The following GSE1 variants were observed in gnomAD, a reference collection of about 807,000 sequenced individuals.
The protein encoded by GSE1 is genetic suppressor element 1.
Under a neutral mutation model 112.6 loss-of-function variants are expected in GSE1, and 32 were observed. The observed-to-expected ratio is 0.28, with a 90% CI of 0.21 to 0.38. The LOEUF is 0.38. Among genes scored for constraint, GSE1 ranks in the 10% least tolerant of loss-of-function variants. The pLI is 1.00. For missense variants in GSE1, 2,348 were observed against 1,699.2 expected (o/e 1.38, Z -6.71); for synonymous variants, 1,115 against 735.6 (o/e 1.52, Z -8.35).
At chr16:85,596,061 C>G (rs1398419994) in intron 1 of GSE1, among the ~76,000 whole-genome samples, 1 of 151,316 alleles carries the variant, frequency 6.6e-6, no homozygotes, top group African/African-American at 2.4e-5. Context: ...TCCGTCCACC[C>G]CTGAACCCAT....
chr16:85,668,446 G>T (rs199887934), intron 14 of GSE1, 22 bp downstream of exon 14: 51 of 1,486,360 alleles, frequency 3.4e-5, no homozygotes, highest in Non-Finnish European at 4.3e-5. Context: ...CTGGGGAAGA[G>T]GGGGGAGGGG....
chr16:85,215,996 C>G (rs929504527), intron 1 of GSE1, among the ~76,000 whole-genome samples: 2 of 152,324 alleles, frequency 1.3e-5, no homozygotes, highest in East Asian at 1.9e-4. Context: ...ACATACTTGA[C>G]ACGTGTTCCC....
intron 1 of GSE1, among the ~76,000 whole-genome samples, chr16:85,224,882 C>G (rs1000607411): frequency 6.6e-6 from 1 of 151,214 alleles, no homozygotes; most frequent in Non-Finnish European, 1.5e-5. Flanking sequence ...GTAATCCCAG[C>G]ACTTTGGGAG....
chr16:85,476,132 A>G (rs2050447365), intron 2 of GSE1, among the ~76,000 whole-genome samples: 1 of 152,144 alleles, frequency 6.6e-6, no homozygotes, highest in African/African-American at 2.4e-5. Context: ...GGATTTCGCC[A>G]TGTTGCCTAG....
intron 1 of GSE1, among the ~76,000 whole-genome samples, chr16:85,215,836 C>T (rs368545488): frequency 3.9e-4 from 59 of 152,258 alleles, no homozygotes; most frequent in African/African-American, 1.0e-3. Flanking sequence ...CCCCTTCCCC[C>T]GTCCCCACCG....
intron 8 of GSE1, among the ~76,000 whole-genome samples, chr16:85,660,901 A>C (rs1048520550): frequency 1.3e-5 from 2 of 152,082 alleles, no homozygotes; most frequent in African/African-American, 2.4e-5. Context: ...AAGTGCTGGG[A>C]TTACAGGGAT....
chr16:85,203,769 ACT>A (rs2075069753), intron 1 of GSE1, among the ~76,000 whole-genome samples: 1 of 152,016 alleles, frequency 6.6e-6, no homozygotes, highest in Admixed American at 6.6e-5. Context: ...ACAGGGTCTC[ACT>A]CTGTCGCCCA....
chr16:85,620,724 A>G (rs1262089188), intron 1 of GSE1, among the ~76,000 whole-genome samples: 3 of 152,250 alleles, frequency 2.0e-5, no homozygotes, highest in Admixed American at 6.5e-5. Flanking sequence ...ACCCGTTTAG[A>G]TGGTCTCAGC....
chr16:85,192,443 A>G (rs1197578225), intron 1 of GSE1, among the ~76,000 whole-genome samples: 2 of 152,236 alleles, frequency 1.3e-5, no homozygotes, highest in Admixed American at 1.3e-4. Flanking sequence ...ATATGGCCTC[A>G]CGTGGCTCAG....
intron 2 of GSE1, among the ~76,000 whole-genome samples, chr16:85,440,249 G>T (rs899280523): frequency 2.0e-5 from 3 of 152,252 alleles, no homozygotes; most frequent in African/African-American, 7.2e-5. Flanking sequence ...CCTCTGCTTT[G>T]CTGGAGACTG....
At chr16:85,612,366 C>G (rs555275050), upstream of GSE1, among the ~76,000 whole-genome samples, 90 of 151,760 alleles carry the variant, frequency 5.9e-4, no homozygotes, top group African/African-American at 2.0e-3. Flanking sequence ...TCATTCCAGT[C>G]AAGTGCCTGG....
At chr16:85,337,959 A>T (rs1191098876) in intron 1 of GSE1, among the ~76,000 whole-genome samples, 1 of 152,210 alleles carries the variant, frequency 6.6e-6, no homozygotes, top group East Asian at 1.9e-4. Context: ...GTGACCTTTC[A>T]GGTTCTTCCC....
chr16:85,453,743 C>T (rs1182012709), intron 2 of GSE1, among the ~76,000 whole-genome samples: 2 of 152,194 alleles, frequency 1.3e-5, no homozygotes, highest in Non-Finnish European at 2.9e-5. Flanking sequence ...CCCTCCCTCT[C>T]TAGACCTCCT....
At chr16:85,443,019 C>G (rs2049418082) in intron 2 of GSE1, among the ~76,000 whole-genome samples, 2 of 152,230 alleles carry the variant, frequency 1.3e-5, no homozygotes, top group South Asian at 4.1e-4. Flanking sequence ...TCTGTGTCTT[C>G]TTTTAAGGAC....
chr16:85,607,075 G>A (rs1354769276), upstream of GSE1, among the ~76,000 whole-genome samples: 1 of 139,808 alleles, frequency 7.2e-6, no homozygotes, highest in African/African-American at 2.6e-5. Context: ...TGGGGGGGGC[G>A]GGAGGGAGGA....
chr16:85,211,311 T>G (rs537671936), intron 1 of GSE1, among the ~76,000 whole-genome samples: 131 of 150,794 alleles, frequency 8.7e-4, no homozygotes, highest in African/African-American at 3.0e-3. Context: ...TTTTTTTTTT[T>G]GTTTTTTTTT....
At chr16:85,555,097 C>G (rs2045133736), upstream of GSE1, 44 of 985,364 alleles carry the variant, frequency 4.5e-5, no homozygotes, top group Non-Finnish European at 5.2e-5. Context: ...CGCGTAGAGA[C>G]GGAAGGAGCC....
chr16:85,637,590 TCGCTGTG>T (rs1408246825), intron 2 of GSE1, among the ~76,000 whole-genome samples: 3 of 152,154 alleles, frequency 2.0e-5, no homozygotes, highest in Non-Finnish European at 4.4e-5. Context: ...CCTGGCGGGC[TCGCTGTG>T]CTTCTCACAC....
chr16:85,505,014 C>G (rs1314278860), intron 2 of GSE1, among the ~76,000 whole-genome samples: 1 of 99,156 alleles, frequency 1.0e-5, no homozygotes, highest in African/African-American at 4.6e-5. Context: ...TGTGCACACA[C>G]ATGTGCACGC....
Sources: allele counts gnomAD v4.1 joint callset (sites outside exome capture counted in the v4.1 genomes callset), GRCh38; gene constraint gnomAD v4.1.1; transcripts MANE v1.5; gene names NCBI Gene and HGNC (gene_info 2026-07-23, HGNC 2026-07-21).